Variants in PECR observed in about 807,000 individuals in gnomAD.
PECR encodes the protein 2,4-dienoyl-CoA reductase-related protein.
A neutral mutation model predicts 35.3 loss-of-function variants in PECR; 30 were observed. That is an observed-to-expected ratio of 0.85 (90% CI 0.64 to 1.15). The LOEUF (loss-of-function observed/expected upper bound fraction) is 1.15. PECR is among the 50% of genes most tolerant of loss of function. The pLI, the probability that PECR is intolerant of heterozygous loss-of-function variation, is 0.00. For missense variants in PECR, 392 were observed against 370.8 expected (o/e 1.06, Z -0.47); for synonymous variants, 148 against 138.9 (o/e 1.07, Z -0.46).
At position 216,039,362 on chromosome 2, in the gene PECR, T is replaced by C; in HGVS notation, c.827-2A>G. On this transcript the variant is annotated splice_acceptor_variant, in intron 7 of 7. Transcript: ENST00000265322. LOFTEE classifies it high-confidence loss of function. The stretch of plus-strand genomic sequence containing the variant: ...CTCCCTTGGGCCAGTTGTCATGATC[T>C]GTTAAAGAAGTGGAAAGCCTCCTGT... 3 of 1,581,752 alleles carry C rather than the reference T, an allele frequency of 1.9e-6. No individual in the cohort carries two copies. The highest frequency in any genetic ancestry group is 2.6e-6 in the Non-Finnish European group (3 of 1,150,504).
intron 7 of PECR, among the ~76,000 whole-genome samples, chr2:216,039,676 C>G (rs10498052): frequency 6.6e-6 from 1 of 152,092 alleles, no homozygotes; most frequent in African/African-American, 2.4e-5. Flanking sequence ...TACTGTGGAT[C>G]GTCAATAAAT....
Position 216,080,722 on chromosome 2 carries a change from C to A in PECR, c.124+896G>T, listed in dbSNP as rs1451470932. On this transcript the variant is annotated intron_variant, in intron 1 of 7. Transcript: ENST00000265322. ...AATCTTACTGTTTCATATTTTATTA[C>A]CAATAAAGTTGATTATTTTTTCATA... 8.5e-5 allele frequency among the ~76,000 whole-genome samples: 13 copies of A among 152,300 alleles called. No individual in the cohort carries two copies. The East Asian group carries it at 2.5e-3, about 29-fold the overall frequency.
intron 4 of PECR, among the ~76,000 whole-genome samples, chr2:216,054,837 G>T (rs1695192561): frequency 6.6e-6 from 1 of 152,084 alleles, no homozygotes; most frequent in Non-Finnish European, 1.5e-5. Flanking sequence ...TGTAGGCCAG[G>T]CGTGGTGGCT....
Position 216,054,368 on chromosome 2 carries a change from T to C in PECR, c.507-2823A>G, listed in dbSNP as rs553523538. On this transcript the variant is annotated intron_variant, in intron 4 of 7. Coordinates refer to ENST00000265322, the MANE Select transcript of PECR (RefSeq NM_018441.6). ...AATAAGGTCACTAAGTTCTTTTTTC[T>C]TTCTTTTTTTTTTTTTTTTTTTGGA... 4.7e-5 allele frequency among the ~76,000 whole-genome samples: 6 copies of C among 127,082 alleles called. No individual in the cohort carries two copies. The South Asian group carries it at 1.4e-3, about 30-fold the overall frequency. The allele number at this position is 127,082 out of a possible 152,430, so 83.4% of individuals were successfully genotyped here.
intron 7 of PECR, among the ~76,000 whole-genome samples, chr2:216,040,358 G>A (rs1401858938): frequency 6.6e-6 from 1 of 152,132 alleles, no homozygotes; most frequent in Non-Finnish European, 1.5e-5. Context: ...GACTTCCCGG[G>A]CTCCAGTGAT....
chr2:216,061,996 A>C (rs1355982124), intron 3 of PECR, among the ~76,000 whole-genome samples: 1 of 151,536 alleles, frequency 6.6e-6, no homozygotes, highest in African/African-American at 2.4e-5. Flanking sequence ...ATGATTGTAG[A>C]GAGGGAGAGA....
intron 7 of PECR, among the ~76,000 whole-genome samples, chr2:216,041,618 G>A (rs1311523251): frequency 6.6e-6 from 1 of 152,142 alleles, no homozygotes; most frequent in Non-Finnish European, 1.5e-5. Context: ...GTTAATGATT[G>A]ACTGATGGCT....
downstream of PECR, chr2:216,033,543 A>G (rs1035351022): frequency 6.6e-6 from 1 of 152,382 alleles, no homozygotes; most frequent in East Asian, 1.9e-4. Context: ...GCCAGGAAGC[A>G]GCAAGCAGAA....
intron 1 of PECR, among the ~76,000 whole-genome samples, chr2:216,078,164 C>T (rs966754733): frequency 7.2e-5 from 11 of 151,758 alleles, no homozygotes; most frequent in Admixed American, 2.0e-4. Flanking sequence ...GGAGGCTAGG[C>T]GCGGGGCCTC....
At chr2:216,052,011 A>AC (rs1695125819) in intron 4 of PECR, among the ~76,000 whole-genome samples, 1 of 152,122 alleles carries the variant, frequency 6.6e-6, no homozygotes, top group South Asian at 2.1e-4. Flanking sequence ...ACATGGTGAA[A>AC]CCCCATCTCT....
At position 216,039,218 on chromosome 2, in the gene PECR, A is replaced by C. The variant is rs1052842424; in HGVS notation, c.*57T>G. On this transcript the variant is annotated 3_prime_UTR_variant, in exon 8 of 8. Coordinates refer to ENST00000265322, the MANE Select transcript of PECR (RefSeq NM_018441.6). ...ACTATAAGCTTTTAAAAAGTACAGA[A>C]GCATATCCTCAAGATGTGAAGGCAC... The C allele has an allele frequency of 8.9e-6, 8 of 901,224 alleles. No homozygotes were observed. The highest frequency in any genetic ancestry group is 1.1e-5 in the Non-Finnish European group (6 of 529,122). The allele number at this position is 901,224 out of a possible 1,614,324, so 55.8% of individuals were successfully genotyped here.
chr2:216,063,159 C>T (rs1695392077), intron 3 of PECR, among the ~76,000 whole-genome samples: 1 of 152,052 alleles, frequency 6.6e-6, no homozygotes, highest in African/African-American at 2.4e-5. Context: ...GCTTTTCTGG[C>T]AGTGATATCT....
In PECR at chr2:216,051,953, A is replaced by G. The variant is rs1695124438; in HGVS notation, c.507-408T>C. On this transcript the variant is annotated intron_variant, in intron 4 of 7. Coordinates refer to ENST00000265322, the MANE Select transcript of PECR (RefSeq NM_018441.6). ...TATAATCCTAGCACTTTGGGAGGCC[A>G]AGGCGGGCGGATCACCTGAGGTCAA... Among the ~76,000 whole-genome samples, 3 of 152,304 alleles carry G rather than the reference A, an allele frequency of 2.0e-5. No homozygotes were observed. The South Asian group carries it at 6.2e-4, about 32-fold the overall frequency.
downstream of PECR, among the ~76,000 whole-genome samples, chr2:216,037,541 T>C (rs970781855): frequency 6.6e-6 from 1 of 152,214 alleles, no homozygotes; most frequent in East Asian, 1.9e-4. Flanking sequence ...TAAAGGGCTA[T>C]CTGGGAGGAA....
intron 1 of PECR, among the ~76,000 whole-genome samples, chr2:216,075,046 C>T (rs191479765): frequency 3.2e-4 from 49 of 152,256 alleles, no homozygotes; most frequent in African/African-American, 1.1e-3. Flanking sequence ...ATTTGGGAGG[C>T]TAAGGTTGGA....
At chr2:216,052,042 C>T (rs1038957618) in intron 4 of PECR, among the ~76,000 whole-genome samples, 16 of 152,136 alleles carry the variant, frequency 1.1e-4, no homozygotes, top group African/African-American at 2.6e-4. Flanking sequence ...CAAAAATTAC[C>T]GGGCATGGTG....
chr2:216,039,157 T>C lies in PECR; in HGVS notation c.*118A>G, dbSNP rs1040270638. 37 of 698,704 alleles carry C rather than the reference T, an allele frequency of 5.3e-5. No individual in the cohort carries two copies. The highest frequency in any genetic ancestry group is 1.8e-5 in the African/African-American group (1 of 56,224). The allele number at this position is 698,704 out of a possible 1,614,324, so 43.3% of individuals were successfully genotyped here. A position where few individuals can be genotyped will look rare whatever the true frequency, so the allele number is the denominator to read the frequency against. On this transcript the variant is annotated 3_prime_UTR_variant, in exon 8 of 8. Transcript: ENST00000265322. ...ATAGTTTTTCCATAGATATAATTAA[T>C]AACACTTAAAAATAAGAAAAATGTT... is the stretch of plus-strand genomic sequence containing the variant.
At chr2:216,062,210 T>A (rs970071343) in intron 3 of PECR, among the ~76,000 whole-genome samples, 1 of 152,040 alleles carries the variant, frequency 6.6e-6, no homozygotes, top group Non-Finnish European at 1.5e-5. Flanking sequence ...CACTCCCGGC[T>A]AATGTTTGTA....
intron 3 of PECR, among the ~76,000 whole-genome samples, chr2:216,064,620 C>A (rs1295251891): frequency 6.6e-6 from 1 of 152,204 alleles, no homozygotes; most frequent in Non-Finnish European, 1.5e-5. Context: ...CCTGTTGTTT[C>A]TGGGTTTTTC....
Sources: gnomAD v4.1 joint callset for allele counts (sites outside exome capture counted in the v4.1 genomes callset) on GRCh38, gnomAD v4.1.1 for gene constraint, MANE v1.5 for transcripts, NCBI Gene and HGNC (gene_info 2026-07-23, HGNC 2026-07-21) for gene names.